The following MLLT3 variants were observed in gnomAD, a reference collection of about 807,000 sequenced individuals.
MLLT3 encodes the protein protein AF-9.
A neutral mutation model predicts 53.2 loss-of-function variants in MLLT3; 4 were observed. That is an observed-to-expected ratio of 0.08 (90% CI 0.04 to 0.17). The LOEUF (loss-of-function observed/expected upper bound fraction) is 0.17. Among genes scored for constraint, MLLT3 ranks in the 10% least tolerant of loss-of-function variants. The pLI is 1.00. For synonymous variants in MLLT3, 283 were observed against 230.6 expected (o/e 1.23, Z -2.06); for missense variants, 569 against 684.0 (o/e 0.83, Z 1.87).
chr9:20,451,610 G>A (rs187401245), intron 3 of MLLT3, among the ~76,000 whole-genome samples: 4 of 152,174 alleles, frequency 2.6e-5, no homozygotes, highest in Admixed American at 2.0e-4. Context: ...GGCAGACATC[G>A]ACATTATGTC....
chr9:20,382,956 A>C (rs1157455450), intron 5 of MLLT3, among the ~76,000 whole-genome samples: 3 of 151,898 alleles, frequency 2.0e-5, no homozygotes, highest in Non-Finnish European at 4.4e-5. Flanking sequence ...CCTATTCTGT[A>C]AACAGGGTAA....
chr9:20,446,743 G>C (rs1331878955), intron 4 of MLLT3, among the ~76,000 whole-genome samples: 1 of 152,120 alleles, frequency 6.6e-6, no homozygotes, highest in Admixed American at 6.5e-5. Flanking sequence ...CTATACTCCT[G>C]ATAACTATAA....
chr9:20,549,248 G>C (rs1207041006), intron 2 of MLLT3, among the ~76,000 whole-genome samples: 1 of 152,128 alleles, frequency 6.6e-6, no homozygotes, highest in Non-Finnish European at 1.5e-5. Context: ...AATGAGAAAA[G>C]CCAAGTAGCT....
chr9:20,547,059 C>T (rs1397695291), intron 2 of MLLT3, among the ~76,000 whole-genome samples: 1 of 152,134 alleles, frequency 6.6e-6, no homozygotes, highest in Admixed American at 6.5e-5. Flanking sequence ...GAATCTGGTG[C>T]CATCCCCACT....
At chr9:20,423,426 T>A (rs1298547484) in intron 4 of MLLT3, among the ~76,000 whole-genome samples, 1 of 152,148 alleles carries the variant, frequency 6.6e-6, no homozygotes. Flanking sequence ...AATATTATTT[T>A]TTGGCAGGTG....
chr9:20,423,510 G>A (rs1182703716), intron 4 of MLLT3, among the ~76,000 whole-genome samples: 2 of 151,918 alleles, frequency 1.3e-5, no homozygotes, highest in Non-Finnish European at 2.9e-5. Context: ...ACCAACCACG[G>A]ACCAAGAATA....
chr9:20,405,330 C>A (rs1224187102), intron 5 of MLLT3, among the ~76,000 whole-genome samples: 3 of 152,226 alleles, frequency 2.0e-5, no homozygotes, highest in African/African-American at 7.2e-5. Flanking sequence ...CTTCCCTTTT[C>A]ACCAGAATGT....
chr9:20,430,667 T>C (rs1178588810), intron 4 of MLLT3, among the ~76,000 whole-genome samples: 2 of 152,076 alleles, frequency 1.3e-5, no homozygotes, highest in South Asian at 2.1e-4. Flanking sequence ...TTTCAGAAAA[T>C]TCAGGAGAAT....
Position 20,559,409 on chromosome 9 carries a change from T to C in MLLT3, c.193+61245A>G, listed in dbSNP as rs565674035. On this transcript the variant is annotated intron_variant, in intron 2 of 10. Coordinates refer to ENST00000380338, the MANE Select transcript of MLLT3 (RefSeq NM_004529.4). ...TTGCCATTCCAGTTTCCAAGCTGTT[T>C]TTGTGAAAGCAGAGGGGTGGGGGCA... Among the ~76,000 whole-genome samples the C allele has an allele frequency of 3.9e-5, 6 of 152,302 alleles. No individual in the cohort carries two copies. The East Asian group carries it at 1.2e-3, about 29-fold the overall frequency.
In MLLT3 at chr9:20,346,446, G is replaced by A; in HGVS notation, c.1704C>T (p.Ser568=). 1 of 1,610,966 alleles carries A rather than the reference G, an allele frequency of 6.2e-7. No homozygotes were observed. The highest frequency in any genetic ancestry group is 8.5e-7 in the Non-Finnish European group (1 of 1,179,224). The change falls in exon 11 of 11, where the codon TCC becomes TCT. Residue 568 remains serine, a synonymous_variant. Transcript: ENST00000380338. ...GATGCATCCAGTTGTTATATCCTCA[G>A]GATGTTCCAGATGTTTCCAGGTAAC... ...LQSYLETSGT[S]
intron 2 of MLLT3, among the ~76,000 whole-genome samples, chr9:20,466,461 C>A (rs1259477722): frequency 6.6e-6 from 1 of 152,162 alleles, no homozygotes; most frequent in Non-Finnish European, 1.5e-5. Context: ...TTTAAGTAAA[C>A]CTACTTTTAC....
intron 2 of MLLT3, among the ~76,000 whole-genome samples, chr9:20,543,685 G>GGAGGAA (rs533750698): frequency 6.6e-5 from 10 of 151,536 alleles, no homozygotes; most frequent in Admixed American, 1.3e-4. Context: ...GAGAAGAGGA[G>GGAGGAA]GAGGAAGAGG....
chr9:20,597,556 G>C (rs757868126), intron 2 of MLLT3, among the ~76,000 whole-genome samples: 6 of 151,998 alleles, frequency 3.9e-5, no homozygotes, highest in Non-Finnish European at 8.8e-5. Context: ...ATACAAATGA[G>C]GTTCATCCCT....
chr9:20,344,228 T>C lies in MLLT3; in HGVS notation c.*2215A>G, dbSNP rs1820808919. On this transcript the variant is annotated 3_prime_UTR_variant, in exon 11 of 11. Transcript: ENST00000380338. ...GTTAGTAACTTAAAGGAAAAAATTTTTACATTGGCAAATCATATTTTTTGC... is the reference window on the plus strand; with the variant it reads ...GTTAGTAACTTAAAGGAAAAAATTTCTACATTGGCAAATCATATTTTTTGC... 2 of 197,126 alleles carry C rather than the reference T, an allele frequency of 1.0e-5. No individual in the cohort carries two copies. The highest frequency in any genetic ancestry group is 8.0e-5 in the East Asian group (1 of 12,496). The allele number at this position is 197,126 out of a possible 1,614,324, so 12.2% of individuals were successfully genotyped here. A position where few individuals can be genotyped will look rare whatever the true frequency, so the allele number is the denominator to read the frequency against.
chr9:20,585,437 C>G (rs1369388537), intron 2 of MLLT3, among the ~76,000 whole-genome samples: 1 of 152,098 alleles, frequency 6.6e-6, no homozygotes, highest in African/African-American at 2.4e-5. Flanking sequence ...GGTAGGGGCA[C>G]AAAAACAGTC....
At chr9:20,561,071 CT>C (rs1456319164) in intron 2 of MLLT3, among the ~76,000 whole-genome samples, 3 of 152,118 alleles carry the variant, frequency 2.0e-5, no homozygotes, top group Non-Finnish European at 4.4e-5. Flanking sequence ...CATGTATCTA[CT>C]TTATTTTGTG....
In MLLT3 at chr9:20,568,827, T is replaced by C. The variant is rs78813299; in HGVS notation, c.193+51827A>G. ...TATTTACATCTAATCCTCACTACAG[T>C]CCTGAGAGGAAGTTATTACCTTCAT... On this transcript the variant is annotated intron_variant, in intron 2 of 10. Coordinates refer to ENST00000380338, the MANE Select transcript of MLLT3 (RefSeq NM_004529.4). Among the ~76,000 whole-genome samples, 1,290 of 152,286 alleles carry C rather than the reference T, an allele frequency of 8.5e-3. 22 individuals are homozygous for C. Among genetic ancestry groups the C allele is most frequent in the East Asian group, 0.07 (363 of 5,184 alleles).
chr9:20,542,134 G>T (rs992469711), intron 2 of MLLT3, among the ~76,000 whole-genome samples: 5 of 152,126 alleles, frequency 3.3e-5, no homozygotes, highest in African/African-American at 9.6e-5. Context: ...CCCATGAGCT[G>T]TAGAATGGGT....
chr9:20,452,216 A>C (rs544877224), intron 3 of MLLT3, among the ~76,000 whole-genome samples: 1 of 152,252 alleles, frequency 6.6e-6, no homozygotes, highest in South Asian at 2.1e-4. Flanking sequence ...CTGTGCCTCC[A>C]CCCAAATCTC....
Sources: allele counts gnomAD v4.1 joint callset (sites outside exome capture counted in the v4.1 genomes callset), GRCh38; gene constraint gnomAD v4.1.1; transcripts MANE v1.5; gene names NCBI Gene and HGNC (gene_info 2026-07-23, HGNC 2026-07-21).